Variants in AFF3 observed in about 807,000 individuals in gnomAD.
AFF3 encodes AF4/FMR2 family member 3.
In AFF3, 32 loss-of-function variants were observed where a neutral mutation model predicts 129.7. The observed-to-expected ratio is 0.25, with a 90% CI of 0.19 to 0.33. The LOEUF (loss-of-function observed/expected upper bound fraction) is 0.33, where lower values mean the gene tolerates loss of function less well. Ranked by LOEUF, AFF3 falls within the 10% of genes least tolerant of loss-of-function variation. The pLI, the probability that AFF3 is intolerant of heterozygous loss-of-function variation, is 1.00. For missense variants in AFF3, 1,373 were observed against 1,592.0 expected, an observed-to-expected ratio of 0.86 and a Z score of 2.34; for synonymous variants, 644 against 635.4, an observed-to-expected ratio of 1.01 and a Z score of -0.20.
chr2:99,945,979 C>A (rs1408992763), intron 7 of AFF3, among the ~76,000 whole-genome samples: 1 of 152,178 alleles, frequency 6.6e-6, no homozygotes, highest in Admixed American at 6.5e-5. Context: ...TACGTATGTG[C>A]AAAGCCAGTT....
intron 8 of AFF3, among the ~76,000 whole-genome samples, chr2:99,762,591 G>A (rs1682710351): frequency 6.6e-6 from 1 of 152,116 alleles, no homozygotes; most frequent in African/African-American, 2.4e-5. Context: ...TAGCACAATG[G>A]TCAGAATAAT....
At position 99,551,197 on chromosome 2, in the gene AFF3, A is replaced by G. The variant is rs1674379789; in HGVS notation, c.*277T>C. On this transcript the variant is annotated 3_prime_UTR_variant, in exon 25 of 25. Coordinates refer to ENST00000672756, the MANE Select transcript of AFF3 (RefSeq NM_001386135.1). Reference sequence around the variant, plus strand: ...GTGTGTGTGTGTACTTCCTCTAGTCAGAAACCTCTGATCACTTTGTCTAGC... The same window carrying G: ...GTGTGTGTGTGTACTTCCTCTAGTCGGAAACCTCTGATCACTTTGTCTAGC... The G allele has an allele frequency of 1.9e-6, 1 of 540,126 alleles. No homozygotes were observed. Among genetic ancestry groups the G allele is most frequent in the African/African-American group, 1.9e-5 (1 of 53,336 alleles). 33.5% of individuals were successfully genotyped at this position (540,126 alleles called of 1,614,324 possible).
intron 7 of AFF3, among the ~76,000 whole-genome samples, chr2:99,929,162 T>C (rs1696494294): frequency 6.6e-6 from 1 of 152,128 alleles, no homozygotes; most frequent in Non-Finnish European, 1.5e-5. Flanking sequence ...ACCCCGTCTC[T>C]ACTAAAAATA....
At chr2:99,771,042 A>C (rs926352223) in intron 8 of AFF3, among the ~76,000 whole-genome samples, 10 of 152,240 alleles carry the variant, frequency 6.6e-5, no homozygotes, top group Non-Finnish European at 1.0e-4. Context: ...GGATAAAGAA[A>C]ATGTGTACAT....
At chr2:99,563,105 G>A (rs1156782674) in intron 20 of AFF3, among the ~76,000 whole-genome samples, 1 of 152,090 alleles carries the variant, frequency 6.6e-6, no homozygotes, top group Non-Finnish European at 1.5e-5. Flanking sequence ...CCCCTTGCCA[G>A]CGCTCCAGGC....
In AFF3 at chr2:99,848,827, G is replaced by C. The variant is rs142588928; in HGVS notation, c.874-11303C>G. Among the ~76,000 whole-genome samples the C allele has an allele frequency of 1.7e-3, 260 of 152,204 alleles. 2 individuals are homozygous for C. The highest frequency in any genetic ancestry group is 6.0e-3 in the African/African-American group (251 of 41,540). ...CTCCTCTCCAACATAATCACGCTAA[G>C]GAATAATATGCTTAATTATGGACTT... On this transcript the variant is annotated intron_variant, in intron 7 of 24. Coordinates refer to ENST00000672756, the MANE Select transcript of AFF3 (RefSeq NM_001386135.1).
At chr2:99,676,547 A>C (rs981002649) in intron 11 of AFF3, among the ~76,000 whole-genome samples, 46 of 152,342 alleles carry the variant, frequency 3.0e-4, no homozygotes, top group Admixed American at 1.3e-3. Flanking sequence ...ACCTTACGCC[A>C]GGGAGCCTCC....
chr2:100,116,618 C>A (rs1691746005), intron 2 of AFF3, among the ~76,000 whole-genome samples: 3 of 152,090 alleles, frequency 2.0e-5, no homozygotes, highest in African/African-American at 7.2e-5. Context: ...AATTCAAGGA[C>A]CTTAGAACTT....
chr2:100,104,761 T>A (rs1330474719), intron 3 of AFF3: 12 of 759,584 alleles, frequency 1.6e-5, no homozygotes, highest in Non-Finnish European at 1.7e-5. Flanking sequence ...CGCCCGCCCC[T>A]CCTCCCCTCC....
At chr2:99,724,100 C>T (rs1463807192) in intron 11 of AFF3, among the ~76,000 whole-genome samples, 1 of 152,012 alleles carries the variant, frequency 6.6e-6, no homozygotes, top group African/African-American at 2.4e-5. Context: ...GGCAGCCCTA[C>T]CAGATCAGTA....
At chr2:100,132,903 A>G (rs1273482399) in intron 1 of AFF3, among the ~76,000 whole-genome samples, 2 of 151,332 alleles carry the variant, frequency 1.3e-5, no homozygotes, top group African/African-American at 4.8e-5. Flanking sequence ...AATTAGGTCA[A>G]TGGGTTGGGT....
At chr2:99,675,663 T>C (rs1201097992) in intron 11 of AFF3, among the ~76,000 whole-genome samples, 1 of 152,168 alleles carries the variant, frequency 6.6e-6, no homozygotes, top group Non-Finnish European at 1.5e-5. Context: ...CTGAAGTTTA[T>C]AGCTGAACAA....
rs578092154 is a variant in AFF3 at position 99,713,259 on chromosome 2, C to T, written c.1091+13818G>A. ...TACATTTTATGTTATGTGTATTCTG[C>T]CAGAGTTAATTTTTTTTTTTTTTTT... On this transcript the variant is annotated intron_variant, in intron 11 of 24. Coordinates refer to ENST00000672756, the MANE Select transcript of AFF3 (RefSeq NM_001386135.1). 3.5e-5 allele frequency among the ~76,000 whole-genome samples: 5 copies of T among 143,180 alleles called. No individual in the cohort carries two copies. In the East Asian group the frequency reaches 1.1e-3, roughly 30 times the overall value. The allele number at this position is 143,180 out of a possible 152,430, so 93.9% of individuals were successfully genotyped here. A position where few individuals can be genotyped will look rare whatever the true frequency, so the allele number is the denominator to read the frequency against.
rs1674108466 is a variant in AFF3, at chr2:99,547,342, A to G, written c.*4132T>C. ...GTCCGTTTATAAATTCCAATTTCAC[A>G]TGGATTAAAAACTGCAGATAAATTA... On this transcript the variant is annotated 3_prime_UTR_variant, in exon 25 of 25. Coordinates refer to ENST00000672756, the MANE Select transcript of AFF3 (RefSeq NM_001386135.1). 9.2e-6 allele frequency: 2 copies of G among 218,556 alleles called. No homozygotes were observed. Among genetic ancestry groups the G allele is most frequent in the African/African-American group, 4.5e-5 (2 of 44,476 alleles). 13.5% of individuals were successfully genotyped at this position (218,556 alleles called of 1,614,324 possible). A position where few individuals can be genotyped will look rare whatever the true frequency, so the allele number is the denominator to read the frequency against.
At chr2:99,822,987 C>A (rs1287608164) in intron 8 of AFF3, among the ~76,000 whole-genome samples, 1 of 152,200 alleles carries the variant, frequency 6.6e-6, no homozygotes, top group Non-Finnish European at 1.5e-5. Context: ...TGCTGCACCT[C>A]ATTTTTCTGG....
chr2:99,590,400 A>G (rs981621566), intron 15 of AFF3, among the ~76,000 whole-genome samples: 6 of 152,222 alleles, frequency 3.9e-5, no homozygotes, highest in Non-Finnish European at 7.3e-5. Context: ...AATTTGCAGC[A>G]TCACAAATTC....
chr2:99,983,628 G>T lies in AFF3; in HGVS notation c.873+23004C>A, dbSNP rs113944521. Among the ~76,000 whole-genome samples the T allele has an allele frequency of 1.9e-3, 288 of 152,252 alleles. 1 individual carries two copies. Among genetic ancestry groups the T allele is most frequent in the South Asian group, 3.3e-3 (16 of 4,822 alleles). On this transcript the variant is annotated intron_variant, in intron 7 of 24. Transcript: ENST00000672756. ...CCTTTTATCTACTGACTTCAGAAAG[G>T]CTGGAAGGCAAAAAACATAATGATC... is the stretch of plus-strand genomic sequence containing the variant.
chr2:99,670,098 G>C (rs1169484700), intron 12 of AFF3, among the ~76,000 whole-genome samples: 1 of 152,178 alleles, frequency 6.6e-6, no homozygotes, highest in Non-Finnish European at 1.5e-5. Context: ...GCTGGGCCAA[G>C]GTTGCAAAAC....
chr2:99,795,966 T>C (rs1243614076), intron 8 of AFF3, among the ~76,000 whole-genome samples: 1 of 151,988 alleles, frequency 6.6e-6, no homozygotes, highest in African/African-American at 2.4e-5. Context: ...TTGTGAAAAA[T>C]TGGATAAAGG....
Sources: gnomAD v4.1 joint callset for allele counts (sites outside exome capture counted in the v4.1 genomes callset) on GRCh38, gnomAD v4.1.1 for gene constraint, MANE v1.5 for transcripts, NCBI Gene and HGNC (gene_info 2026-07-23, HGNC 2026-07-21) for gene names.